GAB2: variants seen among roughly 807,000 people sequenced by gnomAD.
GAB2 encodes the protein GRB2-associated-binding protein 2.
In GAB2, 26 loss-of-function variants were observed where a neutral mutation model predicts 65.5. The ratio of observed to expected loss-of-function variants is 0.40; its 90% CI spans 0.29 to 0.55. GAB2 has a LOEUF of 0.55. Among genes scored for constraint, GAB2 ranks in the 20% least tolerant of loss-of-function variants. The pLI is 0.53. For synonymous variants in GAB2, 321 were observed against 329.6 expected (o/e 0.97, Z 0.28); for missense variants, 884 against 875.8 (o/e 1.01, Z -0.12).
intron 1 of GAB2, among the ~76,000 whole-genome samples, chr11:78,408,543 T>C (rs962580105): frequency 1.3e-5 from 2 of 152,212 alleles, no homozygotes; most frequent in Non-Finnish European, 2.9e-5. Flanking sequence ...TTAGAAATTA[T>C]ATTAAGTGTA....
chr11:78,389,441 G>T (rs1403981477), intron 1 of GAB2, among the ~76,000 whole-genome samples: 3 of 151,936 alleles, frequency 2.0e-5, no homozygotes, highest in African/African-American at 7.3e-5. Flanking sequence ...CAAGTAGCTG[G>T]GATTACAGGC....
At position 78,329,377 on chromosome 11, in the gene GAB2, C is replaced by T. The variant is rs187101556; in HGVS notation, c.76-48476G>A. 4.1e-4 allele frequency among the ~76,000 whole-genome samples: 62 copies of T among 152,222 alleles called. No individual in the cohort carries two copies. In the East Asian group the frequency reaches 0.011, roughly 27 times the overall value. Reference sequence around the variant, plus strand: ...CCTTTCATATTTATCCTCATTTTATCCCCCAATACGATTTATGTATCTCTC... The same window carrying T: ...CCTTTCATATTTATCCTCATTTTATTCCCCAATACGATTTATGTATCTCTC... On this transcript the variant is annotated intron_variant, in intron 1 of 9. Coordinates refer to ENST00000361507, the MANE Select transcript of GAB2 (RefSeq NM_080491.3).
chr11:78,258,870 T>A (rs1865664078), intron 2 of GAB2, among the ~76,000 whole-genome samples: 1 of 152,210 alleles, frequency 6.6e-6, no homozygotes, highest in Non-Finnish European at 1.5e-5. Flanking sequence ...TCATTGGCAT[T>A]TTTTCTTTTT....
rs1265360794 is a variant in GAB2 at position 78,344,350 on chromosome 11, GA to G, written c.76-63450del. On this transcript the variant is annotated intron_variant, in intron 1 of 9. Coordinates refer to ENST00000361507, the MANE Select transcript of GAB2 (RefSeq NM_080491.3). ...GCAGATGCTGTTTTTCTTCAATCAG[GA>G]AAAAAATCTCCAATTAAGATAAAAA... 7.2e-5 allele frequency among the ~76,000 whole-genome samples: 11 copies of G among 151,836 alleles called. No homozygotes were observed. In the East Asian group the frequency reaches 1.4e-3, roughly 19 times the overall value.
intron 1 of GAB2, among the ~76,000 whole-genome samples, chr11:78,300,695 G>GTTTTTTTTTTTTGTT (rs1866986002): frequency 1.8e-5 from 2 of 113,256 alleles, no homozygotes; most frequent in African/African-American, 6.3e-5. Flanking sequence ...GTTTTTTTTT[G>GTTTTTTTTTTTTGTT]TTTTTTTTTT....
At chr11:78,286,570 G>C (rs542641342) in intron 1 of GAB2, among the ~76,000 whole-genome samples, 152 of 152,154 alleles carry the variant, frequency 1.0e-3, no homozygotes, top group African/African-American at 2.5e-3. Flanking sequence ...TAGGAGCTCA[G>C]GGAAGATCTG....
intron 1 of GAB2, among the ~76,000 whole-genome samples, chr11:78,407,719 C>A (rs1857071367): frequency 2.3e-5 from 2 of 86,958 alleles, no homozygotes; most frequent in African/African-American, 4.2e-5. Flanking sequence ...ATTTTCCGTC[C>A]CAAAAAGAAA....
chr11:78,395,602 T>C (rs1430999126), intron 1 of GAB2, among the ~76,000 whole-genome samples: 1 of 152,236 alleles, frequency 6.6e-6, no homozygotes, highest in Non-Finnish European at 1.5e-5. Flanking sequence ...ACCAGGAGGT[T>C]GTGAACTCTG....
chr11:78,316,791 C>G (rs567446440), intron 1 of GAB2, among the ~76,000 whole-genome samples: 26 of 152,172 alleles, frequency 1.7e-4, no homozygotes, highest in Admixed American at 2.6e-4. Flanking sequence ...TGGATACAGA[C>G]CCCAAAAAAC....
chr11:78,338,725 G>A (rs758505048), intron 1 of GAB2, among the ~76,000 whole-genome samples: 1 of 152,140 alleles, frequency 6.6e-6, no homozygotes, highest in Non-Finnish European at 1.5e-5. Context: ...CAGTACTGTG[G>A]TTGTTCTGGT....
intron 3 of GAB2, among the ~76,000 whole-genome samples, chr11:78,242,111 G>A (rs1453326117): frequency 9.8e-6 from 1 of 101,688 alleles, no homozygotes; most frequent in Non-Finnish European, 3.0e-5. Context: ...AATAAAACTA[G>A]AAATCAGTAA....
intron 1 of GAB2, among the ~76,000 whole-genome samples, chr11:78,380,145 T>C (rs1391031370): frequency 6.6e-6 from 1 of 152,264 alleles, no homozygotes; most frequent in Non-Finnish European, 1.5e-5. Context: ...ACAAGCACTC[T>C]TTCAATAAGG....
At chr11:78,390,512 C>T (rs989660380) in intron 1 of GAB2, among the ~76,000 whole-genome samples, 51 of 152,164 alleles carry the variant, frequency 3.4e-4, no homozygotes, top group African/African-American at 1.2e-3. Context: ...TCACTTGAAC[C>T]AGGGAGGCGG....
chr11:78,325,522 C>A (rs1040050326), intron 1 of GAB2, among the ~76,000 whole-genome samples: 7 of 152,118 alleles, frequency 4.6e-5, no homozygotes, highest in Admixed American at 1.3e-4. Context: ...ACCGGAATGA[C>A]AAAGATCCCT....
In GAB2 at chr11:78,223,665, C is replaced by A. The variant is rs551750965; in HGVS notation, c.1314G>T (p.Met438Ile). 1 of 1,599,772 alleles carries A rather than the reference C, an allele frequency of 6.3e-7. No individual in the cohort carries two copies. Among genetic ancestry groups the A allele is most frequent in the Non-Finnish European group, 8.5e-7 (1 of 1,172,348 alleles). ...DGVGSFLPGK[M>I]IVGRSDSTNS... is the part of the protein sequence containing the mutation. ...TGGTGCTGTCCGATCGGCCCACAAT[C>A]ATTTTCCCTGGCTAGGGAGAGGAAC... Residue 438 changes from methionine to isoleucine, a missense_variant, in exon 6 of 10, where the codon ATG becomes ATT. Physicochemically the swap from Met to Ile is conservative, Grantham distance 10 (BLOSUM62 1). Coordinates refer to ENST00000361507, the MANE Select transcript of GAB2 (RefSeq NM_080491.3).
At chr11:78,243,620 C>T (rs1406383455) in intron 3 of GAB2, among the ~76,000 whole-genome samples, 1 of 151,704 alleles carries the variant, frequency 6.6e-6, no homozygotes, top group East Asian at 2.0e-4. Context: ...GCGGGCAGAT[C>T]ACGAGGTCAG....
rs756733728 is a variant in GAB2 at position 78,226,804 on chromosome 11, C to T, written c.868G>A (p.Glu290Lys). Residue 290 changes from glutamate to lysine, a missense_variant, in exon 4 of 10, where the codon GAG becomes AAG. Physicochemically the swap from Glu to Lys is moderately conservative, Grantham distance 56. Transcript: ENST00000361507. ...GGCGTCTTGAAGGTGTACACATCCT[C>T]ATTATCTGTCTCGGAGCCTGTGAGG... ...GSLTGSETDN[E>K]DVYTFKTPSN... The T allele has an allele frequency of 1.2e-5, 20 of 1,614,030 alleles. No homozygotes were observed. Among genetic ancestry groups the T allele is most frequent in the Non-Finnish European group, 1.6e-5 (19 of 1,180,008 alleles).
At chr11:78,270,495 C>T (rs545242738) in intron 2 of GAB2, among the ~76,000 whole-genome samples, 13 of 152,184 alleles carry the variant, frequency 8.5e-5, no homozygotes, top group South Asian at 2.1e-4. Context: ...CAGCCATAGA[C>T]GGTAGTCAAA....
chr11:78,416,393 A>G (rs1857196080), intron 1 of GAB2, among the ~76,000 whole-genome samples: 2 of 152,248 alleles, frequency 1.3e-5, no homozygotes, highest in Non-Finnish European at 1.5e-5. Flanking sequence ...CTCAGTCCAG[A>G]GGCCAGAAGT....
Sources: allele counts gnomAD v4.1 joint callset (sites outside exome capture counted in the v4.1 genomes callset), GRCh38; gene constraint gnomAD v4.1.1; transcripts MANE v1.5; gene names NCBI Gene and HGNC (gene_info 2026-07-23, HGNC 2026-07-21).